The following ZFHX3 variants were observed in gnomAD, a reference collection of about 807,000 sequenced individuals.
ZFHX3 encodes the protein zinc finger homeobox 3.
A neutral mutation model predicts 279.1 loss-of-function variants in ZFHX3; 42 were observed. The ratio of observed to expected loss-of-function variants is 0.15; its 90% CI spans 0.12 to 0.19. ZFHX3 has a LOEUF of 0.19. ZFHX3 is among the 10% of genes least tolerant of loss of function. ZFHX3 has a pLI of 1.00. For missense variants in ZFHX3, 4,981 were observed against 4,754.0 expected (o/e 1.05, Z -1.40); for synonymous variants, 2,293 against 1,957.8 (o/e 1.17, Z -4.52).
intron 2 of ZFHX3, among the ~76,000 whole-genome samples, chr16:73,519,014 A>T (rs1349044016): frequency 6.6e-6 from 1 of 152,236 alleles, no homozygotes; most frequent in Non-Finnish European, 1.5e-5. Flanking sequence ...CTACTAATGG[A>T]AAATGTGAAT....
chr16:73,388,914 C>T (rs1004049436), intron 3 of ZFHX3: 1 of 152,250 alleles, frequency 6.6e-6, no homozygotes, highest in Admixed American at 6.5e-5. Flanking sequence ...GGCGTCTTTA[C>T]ATCACGACGA....
intron 3 of ZFHX3, among the ~76,000 whole-genome samples, chr16:72,898,367 C>G (rs1054765738): frequency 6.6e-6 from 1 of 152,208 alleles, no homozygotes; most frequent in South Asian, 2.1e-4. Context: ...GGCCGTGGAA[C>G]AAGCCATGAT....
upstream of ZFHX3, among the ~76,000 whole-genome samples, chr16:73,051,028 C>T (rs1184975023): frequency 6.6e-6 from 1 of 152,170 alleles, no homozygotes; most frequent in East Asian, 1.9e-4. Context: ...TACACACTTA[C>T]TAATGCTGTA....
At chr16:73,318,442 C>T (rs1290108288) in intron 3 of ZFHX3, 2 of 152,104 alleles carry the variant, frequency 1.3e-5, no homozygotes, top group Non-Finnish European at 2.9e-5. Context: ...GTGTAGAGCA[C>T]TGTTTGTAAA....
chr16:73,366,378 T>C (rs994328429), intron 3 of ZFHX3, among the ~76,000 whole-genome samples: 3 of 151,922 alleles, frequency 2.0e-5, no homozygotes, highest in South Asian at 4.2e-4. Flanking sequence ...GGGAAAACTA[T>C]AGAAAATAAA....
chr16:73,181,121 A>AG (rs1198422593), intron 5 of ZFHX3, among the ~76,000 whole-genome samples: 1 of 141,852 alleles, frequency 7.0e-6, no homozygotes, highest in African/African-American at 2.6e-5. Flanking sequence ...TTTTGTTTTG[A>AG]GATGGAGTCT....
chr16:72,994,907 G>A (rs1308896176), intron 1 of ZFHX3, among the ~76,000 whole-genome samples: 1 of 152,180 alleles, frequency 6.6e-6, no homozygotes, highest in South Asian at 2.1e-4. Flanking sequence ...AAAAGCTGTA[G>A]CAATATTCCG....
intron 5 of ZFHX3, among the ~76,000 whole-genome samples, chr16:73,241,060 C>T (rs1010419954): frequency 1.3e-5 from 2 of 152,270 alleles, no homozygotes; most frequent in African/African-American, 2.4e-5. Context: ...TGGTTTGCTG[C>T]CAGGAGAGGC....
chr16:73,794,933 C>T (rs1959948282), intron 1 of ZFHX3, among the ~76,000 whole-genome samples: 1 of 152,096 alleles, frequency 6.6e-6, no homozygotes, highest in Non-Finnish European at 1.5e-5. Flanking sequence ...TGTTCATTAC[C>T]ATAAAAAAAG....
At chr16:73,587,696 C>T (rs1361347301) in intron 2 of ZFHX3, among the ~76,000 whole-genome samples, 1 of 151,986 alleles carries the variant, frequency 6.6e-6, no homozygotes, top group Non-Finnish European at 1.5e-5. Flanking sequence ...GAAAACATAC[C>T]CAATAGAGAA....
intron 2 of ZFHX3, among the ~76,000 whole-genome samples, chr16:73,561,784 C>A (rs959316468): frequency 7.9e-5 from 12 of 152,078 alleles, no homozygotes; most frequent in Non-Finnish European, 1.5e-4. Flanking sequence ...AGTTCTATGA[C>A]AATAATACTA....
chr16:73,240,969 T>C (rs190976791), intron 5 of ZFHX3, among the ~76,000 whole-genome samples: 168 of 152,316 alleles, frequency 1.1e-3, no homozygotes, highest in African/African-American at 3.9e-3. Context: ...CTTAGAAGTT[T>C]TCATATAAAT....
In ZFHX3 at chr16:72,937,650, C is replaced by G. The variant is rs1335234918; in HGVS notation, c.3216+12819G>C. 2.0e-5 allele frequency among the ~76,000 whole-genome samples: 3 copies of G among 152,022 alleles called. No homozygotes were observed. The East Asian group carries it at 5.8e-4, about 29-fold the overall frequency. On this transcript the variant is annotated intron_variant, in intron 3 of 9. Transcript: ENST00000268489. ...CAGGCTGCCAGCTTCAGGGCCACCGCCATGCTACACCCCGCAGCTGCTCCC... is the reference window on the plus strand; with the variant it reads ...CAGGCTGCCAGCTTCAGGGCCACCGGCATGCTACACCCCGCAGCTGCTCCC...
chr16:72,845,935 A>G (rs2037468333), intron 4 of ZFHX3, among the ~76,000 whole-genome samples: 1 of 152,194 alleles, frequency 6.6e-6, no homozygotes, highest in Non-Finnish European at 1.5e-5. Context: ...CAAGGACCAT[A>G]TGCTTAATGG....
At chr16:73,569,742 C>G (rs1443249830) in intron 2 of ZFHX3, among the ~76,000 whole-genome samples, 2 of 152,166 alleles carry the variant, frequency 1.3e-5, no homozygotes, top group Non-Finnish European at 2.9e-5. Flanking sequence ...GCCAGTGAAA[C>G]CTGGATGCAC....
intron 1 of ZFHX3, among the ~76,000 whole-genome samples, chr16:73,720,955 T>G (rs2053467932): frequency 6.6e-6 from 1 of 152,196 alleles, no homozygotes; most frequent in South Asian, 2.1e-4. Flanking sequence ...ATTCTGTGAT[T>G]GTAAAGTGAC....
intron 3 of ZFHX3, among the ~76,000 whole-genome samples, chr16:72,928,108 G>T (rs1182146390): frequency 2.6e-5 from 2 of 76,456 alleles, no homozygotes; most frequent in African/African-American, 9.8e-5. Context: ...GATGGGGGGA[G>T]GGGAGGGGGA....
chr16:73,738,302 A>C (rs745978772), intron 1 of ZFHX3, among the ~76,000 whole-genome samples: 4 of 152,192 alleles, frequency 2.6e-5, no homozygotes, highest in Non-Finnish European at 5.9e-5. Context: ...TTTCAGCCTG[A>C]CTTCAGCTTA....
intron 2 of ZFHX3, among the ~76,000 whole-genome samples, chr16:73,491,290 G>C (rs1230589159): frequency 6.6e-6 from 1 of 152,108 alleles, no homozygotes; most frequent in Non-Finnish European, 1.5e-5. Context: ...GCTTTTACCT[G>C]TTTCAGCCCA....
Sources: allele counts gnomAD v4.1 joint callset (sites outside exome capture counted in the v4.1 genomes callset), GRCh38; gene constraint gnomAD v4.1.1; transcripts MANE v1.5; gene names NCBI Gene and HGNC (gene_info 2026-07-23, HGNC 2026-07-21).